Variants in NFAT5 observed in about 807,000 individuals in gnomAD.
NFAT5 encodes nuclear factor of activated T-cells 5.
In NFAT5, 31 loss-of-function variants were observed where a neutral mutation model predicts 166.5. The observed-to-expected ratio is 0.19, with a 90% CI of 0.14 to 0.25. NFAT5 has a LOEUF of 0.25. Ranked by LOEUF, NFAT5 falls within the 10% of genes least tolerant of loss-of-function variation. The probability of loss-of-function intolerance (pLI) is 1.00; values close to 1 mark genes in which losing one functional copy is unlikely to be tolerated. For synonymous variants in NFAT5, 612 were observed against 639.7 expected, an observed-to-expected ratio of 0.96 and a Z score of 0.65; for missense variants, 1,449 against 1,821.8, an observed-to-expected ratio of 0.80 and a Z score of 3.72.
Position 69,647,528 on chromosome 16 carries a change from C to T in NFAT5, c.754C>T (p.His252Tyr), listed in dbSNP as rs1287724064. The change falls in exon 4 of 15, where the codon CAC (histidine) becomes TAC (tyrosine). Residue 252 changes from histidine to tyrosine, a missense_variant. Coordinates refer to ENST00000349945, the MANE Select transcript of NFAT5 (RefSeq NM_138713.4). The surrounding 1 kb of genome is among the most constrained non-coding windows in gnomAD (Gnocchi z 4.8). ...TGATGCCGACAGTGCCAAAGCACCT[C>T]ACTATGTGCTTTCTCAGCTTACCAC... ...IFDADSAKAP[H>Y]YVLSQLTTDN... 1 of 1,604,640 alleles carries T rather than the reference C, an allele frequency of 6.2e-7. No homozygotes were observed. Among genetic ancestry groups the T allele is most frequent in the South Asian group, 1.1e-5 (1 of 91,050 alleles).
At chr16:69,654,349 G>C (rs972627228) in intron 5 of NFAT5, among the ~76,000 whole-genome samples, 4 of 152,178 alleles carry the variant, frequency 2.6e-5, no homozygotes, top group Admixed American at 1.3e-4. Context: ...ATGAAATTAT[G>C]ATTGAAACTC....
intron 2 of NFAT5, among the ~76,000 whole-genome samples, chr16:69,621,238 A>G (rs1033041584): frequency 2.6e-5 from 4 of 151,180 alleles, no homozygotes; most frequent in Non-Finnish European, 5.9e-5. Context: ...TGCTTCTTCT[A>G]TTACTCTCTT....
intron 2 of NFAT5, among the ~76,000 whole-genome samples, chr16:69,588,339 A>T (rs2032231109): frequency 6.6e-6 from 1 of 152,210 alleles, no homozygotes; most frequent in Admixed American, 6.5e-5. Flanking sequence ...TATAAAAACC[A>T]ACTAACTCCT....
chr16:69,662,159 G>A (rs112153674), intron 7 of NFAT5, among the ~76,000 whole-genome samples: 2,753 of 152,232 alleles, frequency 0.018, 89 homozygotes, highest in African/African-American at 0.059. Context: ...AAAGTACAGT[G>A]GAAACATAGT....
In NFAT5 at chr16:69,696,703, A is replaced by AAT. The variant is rs1235985099; in HGVS notation, c.*357_*358dup. 1 of 152,686 alleles carries AAT rather than the reference A, an allele frequency of 6.5e-6. No individual in the cohort carries two copies. Among genetic ancestry groups the AAT allele is most frequent in the Non-Finnish European group, 1.5e-5 (1 of 68,044 alleles). 9.5% of individuals were successfully genotyped at this position (152,686 alleles called of 1,614,324 possible). A position where few individuals can be genotyped will look rare whatever the true frequency, so the allele number is the denominator to read the frequency against. ...TCAGTTATTATTGCTATTAGAAAAT[A>AAT]ATATATCATGTTTACTTTTGTTCTT... On this transcript the variant is annotated 3_prime_UTR_variant, in exon 15 of 15. Coordinates refer to ENST00000349945, the MANE Select transcript of NFAT5 (RefSeq NM_138713.4).
In NFAT5 at chr16:69,659,932, T is replaced by C. The variant is rs751290143; in HGVS notation, c.1369+33T>C. On this transcript the variant is annotated intron_variant, in intron 7 of 14. Transcript: ENST00000349945. The stretch of plus-strand genomic sequence containing the variant: ...AGAAGATACGGAGATACTAAACATA[T>C]GGAGTTTCTTTCATTTTCTGTTAAT... The C allele has an allele frequency of 1.5e-5, 22 of 1,493,050 alleles. No homozygotes were observed. The Admixed American group carries it at 3.3e-4, about 22-fold the overall frequency. 92.5% of individuals were successfully genotyped at this position (1,493,050 alleles called of 1,614,324 possible). A position where few individuals can be genotyped will look rare whatever the true frequency, so the allele number is the denominator to read the frequency against.
At chr16:69,649,250 T>G (rs994808588) in intron 4 of NFAT5, 1 of 953,436 alleles carries the variant, frequency 1.0e-6, no homozygotes, top group Non-Finnish European at 1.2e-6. Context: ...TGTGTTTATT[T>G]GTGCTTTAGT....
intron 2 of NFAT5, among the ~76,000 whole-genome samples, chr16:69,624,903 T>TTA (rs1555524033): frequency 3.6e-4 from 50 of 140,132 alleles, no homozygotes; most frequent in Middle Eastern, 7.1e-3. Flanking sequence ...TTCTTTTTTT[T>TTA]AAAAAAAAAA....
chr16:69,686,512 G>A (rs2037312000), intron 11 of NFAT5, among the ~76,000 whole-genome samples: 1 of 152,026 alleles, frequency 6.6e-6, no homozygotes, highest in Admixed American at 6.6e-5. Flanking sequence ...AAAGGAACAA[G>A]GTTCTCAAAA....
rs532102071 is a variant in NFAT5, at chr16:69,619,665, A to G, written c.128-6738A>G. Among the ~76,000 whole-genome samples the G allele has an allele frequency of 3.9e-5, 6 of 152,324 alleles. No homozygotes were observed. The South Asian group carries it at 8.3e-4, about 21-fold the overall frequency. ...TGTTATTTTGCTGAGTGAGTACAGC[A>G]TGAAAAGCATGTCTTTTCCCAGCTG... On this transcript the variant is annotated intron_variant, in intron 2 of 14. Transcript: ENST00000349945.
At chr16:69,592,243 A>G (rs981317374) in intron 2 of NFAT5, among the ~76,000 whole-genome samples, 1 of 151,546 alleles carries the variant, frequency 6.6e-6, no homozygotes, top group East Asian at 1.9e-4. Flanking sequence ...CCACGCCTGG[A>G]TAATTTTTGT....
At chr16:69,616,323 A>G (rs1190963312) in intron 2 of NFAT5, among the ~76,000 whole-genome samples, 3 of 151,780 alleles carry the variant, frequency 2.0e-5, no homozygotes, top group Non-Finnish European at 4.4e-5. Context: ...CTGATAACCA[A>G]CCTTAGGCAA....
At chr16:69,616,849 T>C (rs1212890699) in intron 2 of NFAT5, among the ~76,000 whole-genome samples, 1 of 151,620 alleles carries the variant, frequency 6.6e-6, no homozygotes, top group Non-Finnish European at 1.5e-5. Flanking sequence ...CCCCCTATTC[T>C]CTATAGGTAT....
intron 3 of NFAT5, among the ~76,000 whole-genome samples, chr16:69,630,672 AAGG>A (rs2034673909): frequency 6.6e-6 from 1 of 152,226 alleles, no homozygotes; most frequent in Non-Finnish European, 1.5e-5. Context: ...TTGGCAAAAT[AAGG>A]AGTTTATTAA....
chr16:69,695,166 C>T lies in NFAT5; in HGVS notation c.4445C>T (p.Ala1482Val), dbSNP rs1349711724. 5 of 1,614,176 alleles carry T rather than the reference C, an allele frequency of 3.1e-6. No homozygotes were observed. The South Asian group carries it at 3.3e-5, about 11-fold the overall frequency. The change falls in exon 14 of 15, where the codon GCT becomes GTT. Residue 1482 changes from alanine to valine, a missense_variant. Transcript: ENST00000349945. ...NCSQLLTSGP[A>V]TLPDQLMAIS... The stretch of plus-strand genomic sequence containing the variant: ...AGTCAGCTTTTAACCTCTGGACCAG[C>T]TACATTGCCTGATCAGTTGATGGCC...
At chr16:69,687,457 G>A (rs2037356311) in intron 11 of NFAT5, among the ~76,000 whole-genome samples, 1 of 149,352 alleles carries the variant, frequency 6.7e-6, no homozygotes, top group Admixed American at 6.7e-5. Context: ...AAAAAAAAAG[G>A]ATTGGAACAT....
At chr16:69,590,376 G>C (rs767466013) in intron 2 of NFAT5, among the ~76,000 whole-genome samples, 1 of 152,112 alleles carries the variant, frequency 6.6e-6, no homozygotes, top group Admixed American at 6.6e-5. Flanking sequence ...TATTTAAAGT[G>C]CTATTTAAAA....
chr16:69,624,894 T>C (rs1374839313), intron 2 of NFAT5, among the ~76,000 whole-genome samples: 5 of 142,486 alleles, frequency 3.5e-5, no homozygotes, highest in African/African-American at 1.3e-4. Flanking sequence ...CTCTAATTGT[T>C]CTTTTTTTTA....
intron 11 of NFAT5, among the ~76,000 whole-genome samples, chr16:69,688,513 C>T (rs1482182507): frequency 1.3e-5 from 2 of 151,860 alleles, no homozygotes. Flanking sequence ...CCCTCTACCA[C>T]ACCTGGCTTT....
Sources: allele counts gnomAD v4.1 joint callset (sites outside exome capture counted in the v4.1 genomes callset), GRCh38; gene constraint gnomAD v4.1.1; non-coding constraint Gnocchi (gnomAD v3.1); transcripts MANE v1.5; gene names NCBI Gene and HGNC (gene_info 2026-07-23, HGNC 2026-07-21).